The following SCAI variants were observed in gnomAD, a reference collection of about 807,000 sequenced individuals.
SCAI encodes protein SCAI.
SCAI carries 24 observed loss-of-function variants against 92.2 expected under a neutral mutation model. The observed-to-expected ratio is 0.26, with a 90% confidence interval of 0.19 to 0.37. SCAI has a LOEUF of 0.37. Among genes scored for constraint, SCAI ranks in the 10% least tolerant of loss-of-function variants. SCAI has a pLI of 1.00. For missense variants in SCAI, 450 were observed against 736.2 expected (o/e 0.61, Z 4.50); for synonymous variants, 261 against 258.6 (o/e 1.01, Z -0.09).
chr9:125,063,282 A>T, intron 2 of SCAI, among the ~76,000 whole-genome samples: 1 of 150,256 alleles, frequency 6.7e-6, no homozygotes, highest in East Asian at 2.0e-4. Flanking sequence ...GGTGGCACAC[A>T]CCTGTAATCC....
intron 2 of SCAI, among the ~76,000 whole-genome samples, chr9:125,101,939 A>T (rs1038219954): frequency 5.9e-5 from 9 of 152,250 alleles, no homozygotes; most frequent in African/African-American, 2.2e-4. Flanking sequence ...TCAAGCTGTT[A>T]TGTGAACTTC....
At chr9:125,110,377 G>A (rs1834906183) in intron 2 of SCAI, among the ~76,000 whole-genome samples, 1 of 152,140 alleles carries the variant, frequency 6.6e-6, no homozygotes, top group Non-Finnish European at 1.5e-5. Context: ...GGGGATGGTG[G>A]CACACACCTA....
At chr9:124,976,465 T>C (rs1177494648) in intron 14 of SCAI, among the ~76,000 whole-genome samples, 1 of 152,234 alleles carries the variant, frequency 6.6e-6, no homozygotes, top group Non-Finnish European at 1.5e-5. Flanking sequence ...GGAGAAGTCA[T>C]CTGGCTGTAT....
At chr9:124,962,176 G>GGA (rs1554774817) in intron 17 of SCAI, among the ~76,000 whole-genome samples, 2 of 143,748 alleles carry the variant, frequency 1.4e-5, no homozygotes, top group South Asian at 2.2e-4. Context: ...TTTTTGCGGG[G>GGA]GGGGATGGAG....
intron 16 of SCAI, 90 bp from the exon 17 acceptor site, chr9:124,971,560 C>T (rs1032975848): frequency 5.3e-5 from 75 of 1,410,010 alleles, no homozygotes; most frequent in Non-Finnish European, 7.0e-5. Flanking sequence ...GCGTTCTCAA[C>T]TTTCCTGCCT....
At chr9:124,972,366 G>C (rs1000081283) in intron 15 of SCAI, among the ~76,000 whole-genome samples, 1 of 152,060 alleles carries the variant, frequency 6.6e-6, no homozygotes, top group Admixed American at 6.5e-5. Flanking sequence ...GAATTCCTTA[G>C]GTCTGGCACT....
intron 2 of SCAI, among the ~76,000 whole-genome samples, chr9:125,083,912 G>T (rs1834269647): frequency 6.6e-6 from 1 of 152,078 alleles, no homozygotes; most frequent in African/African-American, 2.4e-5. Context: ...ATGACGGAGG[G>T]TGATACTTTC....
At chr9:125,112,426 T>C (rs1834950838) in intron 2 of SCAI, among the ~76,000 whole-genome samples, 1 of 152,168 alleles carries the variant, frequency 6.6e-6, no homozygotes, top group African/African-American at 2.4e-5. Context: ...GACATTAACA[T>C]AGTTATTATA....
chr9:125,032,191 A>ATTTTTTTTTTTT (rs1254303558), intron 3 of SCAI, among the ~76,000 whole-genome samples: 1 of 80,636 alleles, frequency 1.2e-5, no homozygotes, highest in African/African-American at 5.5e-5. Flanking sequence ...ATATATATAT[A>ATTTTTTTTTTTT]TATATTTTTT....
In SCAI at chr9:124,952,704, AT is replaced by A. The variant is rs1281511086; in HGVS notation, c.*102del. The A allele has an allele frequency of 3.4e-6, 3 of 886,384 alleles. No individual in the cohort carries two copies. The African/African-American group carries it at 5.2e-5, about 15-fold the overall frequency. The allele number at this position is 886,384 out of a possible 1,614,324, so 54.9% of individuals were successfully genotyped here. A position where few individuals can be genotyped will look rare whatever the true frequency, so the allele number is the denominator to read the frequency against. ...TAAAATGGTGGCCCTAAATTAAAAAATAAAAACTAAGTAACACCACTATGTG... is the reference window on the plus strand; with the variant it reads ...TAAAATGGTGGCCCTAAATTAAAAAAAAAAACTAAGTAACACCACTATGTG... On this transcript the variant is annotated 3_prime_UTR_variant, in exon 18 of 18. Coordinates refer to ENST00000336505, the MANE Select transcript of SCAI (RefSeq NM_001144877.3).
chr9:125,118,767 T>A (rs1364673873), intron 2 of SCAI, among the ~76,000 whole-genome samples: 1 of 152,202 alleles, frequency 6.6e-6, no homozygotes, highest in Non-Finnish European at 1.5e-5. Flanking sequence ...GTTCTCCTTG[T>A]TCAGCTCCCA....
At chr9:125,046,196 G>GATATATATATCTATATAT (rs1833429953) in intron 3 of SCAI, among the ~76,000 whole-genome samples, 1 of 51,868 alleles carries the variant, frequency 1.9e-5, no homozygotes, top group Non-Finnish European at 3.6e-5. Context: ...GAAATTGTGA[G>GATATATATATCTATATAT]ATATATATAT....
At chr9:125,040,924 G>A (rs561552103) in intron 3 of SCAI, among the ~76,000 whole-genome samples, 83 of 152,028 alleles carry the variant, frequency 5.5e-4, no homozygotes, top group Non-Finnish European at 5.9e-5. Flanking sequence ...GTGAGCCACC[G>A]CACCCGGCCT....
intron 2 of SCAI, among the ~76,000 whole-genome samples, chr9:125,124,557 C>T (rs1301176682): frequency 2.6e-5 from 4 of 152,314 alleles, no homozygotes; most frequent in Non-Finnish European, 5.9e-5. Context: ...GCAGGAGAAG[C>T]TCCCTCTTGC....
chr9:124,963,265 C>G (rs988806744), intron 17 of SCAI, among the ~76,000 whole-genome samples: 1 of 150,644 alleles, frequency 6.6e-6, no homozygotes, highest in African/African-American at 2.4e-5. Context: ...GCCTCCCGAG[C>G]AGCTGGGATT....
intron 2 of SCAI, among the ~76,000 whole-genome samples, chr9:125,110,199 C>T (rs1338281145): frequency 6.6e-6 from 1 of 152,136 alleles, no homozygotes; most frequent in Non-Finnish European, 1.5e-5. Context: ...AGATGTATGA[C>T]CTTGAACAGA....
At chr9:125,136,699 T>C (rs1428294052) in intron 2 of SCAI, among the ~76,000 whole-genome samples, 2 of 151,846 alleles carry the variant, frequency 1.3e-5, no homozygotes, top group African/African-American at 4.8e-5. Flanking sequence ...GACCTCGTGA[T>C]CTGCCAGCCT....
intron 2 of SCAI, among the ~76,000 whole-genome samples, chr9:125,095,027 T>C (rs1251627670): frequency 1.3e-5 from 2 of 152,206 alleles, no homozygotes; most frequent in Non-Finnish European, 2.9e-5. Flanking sequence ...CAAACAGATG[T>C]GTCACCCAGC....
chr9:125,044,705 G>A (rs762566471), intron 3 of SCAI, among the ~76,000 whole-genome samples: 8 of 152,154 alleles, frequency 5.3e-5, no homozygotes, highest in Admixed American at 2.6e-4. Context: ...CCCCTTGCTC[G>A]CCACGTTGTA....
Sources: gnomAD v4.1 joint callset for allele counts (sites outside exome capture counted in the v4.1 genomes callset) on GRCh38, gnomAD v4.1.1 for gene constraint, MANE v1.5 for transcripts, NCBI Gene and HGNC (gene_info 2026-07-23, HGNC 2026-07-21) for gene names.